The following LRMDA variants were observed in gnomAD, a reference collection of about 807,000 sequenced individuals.
LRMDA encodes the protein leucine rich melanocyte differentiation associated.
In LRMDA, 18 loss-of-function variants were observed where a neutral mutation model predicts 29.8. The ratio of observed to expected loss-of-function variants is 0.60; its 90% CI spans 0.42 to 0.90. The LOEUF is 0.90. Ranked by LOEUF, LRMDA falls within the 40% of genes least tolerant of loss-of-function variation. LRMDA has a pLI of 0.00. For synonymous variants in LRMDA, 125 were observed against 109.4 expected (o/e 1.14, Z -0.89); for missense variants, 273 against 273.9 (o/e 1.00, Z 0.02).
chr10:75,569,199 T>C (rs1453668234), intron 2 of LRMDA, among the ~76,000 whole-genome samples: 3 of 152,212 alleles, frequency 2.0e-5, no homozygotes, highest in African/African-American at 7.2e-5. Context: ...TGGGTAGACA[T>C]GTTTCTGAAG....
chr10:76,250,995 C>G (rs1852469101), intron 5 of LRMDA, among the ~76,000 whole-genome samples: 2 of 152,122 alleles, frequency 1.3e-5, no homozygotes, highest in South Asian at 4.1e-4. Flanking sequence ...GATTTCTTTT[C>G]CATCAGATGG....
chr10:75,446,141 A>G (rs907358679), intron 2 of LRMDA, among the ~76,000 whole-genome samples: 2 of 152,244 alleles, frequency 1.3e-5, no homozygotes, highest in Admixed American at 1.3e-4. Flanking sequence ...ACTGCTAGAC[A>G]GAGCTGGGCT....
intron 2 of LRMDA, among the ~76,000 whole-genome samples, chr10:75,724,447 T>TTGCATTTGAAAC (rs1288369804): frequency 6.6e-6 from 1 of 152,244 alleles, no homozygotes; most frequent in Non-Finnish European, 1.5e-5. Context: ...GCATTGCCAT[T>TTGCATTTGAAAC]TACTCTCTTA....
At chr10:75,582,902 C>T (rs935503460) in intron 2 of LRMDA, among the ~76,000 whole-genome samples, 1 of 152,074 alleles carries the variant, frequency 6.6e-6, no homozygotes, top group African/African-American at 2.4e-5. Flanking sequence ...TGTCAGATAC[C>T]CTAAATCATC....
chr10:75,604,382 C>T (rs573338161), intron 2 of LRMDA, among the ~76,000 whole-genome samples: 3 of 152,192 alleles, frequency 2.0e-5, no homozygotes, highest in Non-Finnish European at 4.4e-5. Context: ...GCTTTTCAGA[C>T]CCACTGGGAC....
At chr10:75,713,354 G>T (rs2132179780) in intron 2 of LRMDA, among the ~76,000 whole-genome samples, 1 of 152,274 alleles carries the variant, frequency 6.6e-6, no homozygotes, top group Non-Finnish European at 1.5e-5. Context: ...TGAGAGATTT[G>T]TTAAAATTAA....
At chr10:76,325,480 CCTG>C (rs1169854809) in intron 6 of LRMDA, among the ~76,000 whole-genome samples, 1 of 152,138 alleles carries the variant, frequency 6.6e-6, no homozygotes, top group African/African-American at 2.4e-5. Flanking sequence ...CAGCTGCCAA[CCTG>C]CTATGTTTTG....
chr10:75,792,714 A>T (rs995551522), intron 2 of LRMDA, among the ~76,000 whole-genome samples: 4 of 152,232 alleles, frequency 2.6e-5, no homozygotes, highest in African/African-American at 7.2e-5. Context: ...CTTATCACTT[A>T]TGGGAACTTG....
chr10:76,552,890 C>T (rs1468813425), intron 6 of LRMDA, among the ~76,000 whole-genome samples: 3 of 152,180 alleles, frequency 2.0e-5, no homozygotes, highest in Non-Finnish European at 4.4e-5. Context: ...ACTGACCCTG[C>T]AGTCCCAGCC....
intron 2 of LRMDA, among the ~76,000 whole-genome samples, chr10:75,979,664 T>G (rs1258966474): frequency 6.6e-6 from 1 of 152,054 alleles, no homozygotes; most frequent in African/African-American, 2.4e-5. Flanking sequence ...CTTTTCCCCT[T>G]CTCTGTTTGG....
intron 6 of LRMDA, among the ~76,000 whole-genome samples, chr10:76,427,715 A>C (rs1188131541): frequency 2.0e-5 from 3 of 152,180 alleles, no homozygotes; most frequent in Admixed American, 6.5e-5. Context: ...GTTTTTGCCC[A>C]TTCAGTATGA....
At chr10:76,175,164 A>G (rs1850910629) in intron 5 of LRMDA, among the ~76,000 whole-genome samples, 1 of 152,190 alleles carries the variant, frequency 6.6e-6, no homozygotes, top group Non-Finnish European at 1.5e-5. Context: ...GGTGAGACAC[A>G]TAAAGCCCTT....
intron 6 of LRMDA, among the ~76,000 whole-genome samples, chr10:76,469,290 C>A (rs1842594974): frequency 6.6e-6 from 1 of 152,110 alleles, no homozygotes; most frequent in South Asian, 2.1e-4. Context: ...ATTTCTTATT[C>A]CCTCCGACTC....
chr10:75,493,418 G>T (rs1368503356), intron 2 of LRMDA, among the ~76,000 whole-genome samples: 1 of 144,408 alleles, frequency 6.9e-6, no homozygotes, highest in Non-Finnish European at 1.5e-5. Flanking sequence ...TGGGAAAATG[G>T]CATATGGGAA....
chr10:76,553,764 G>A (rs74139688), intron 6 of LRMDA, among the ~76,000 whole-genome samples: 1 of 152,178 alleles, frequency 6.6e-6, no homozygotes, highest in African/African-American at 2.4e-5. Context: ...GGCAATTCTC[G>A]CTTAATTTCA....
intron 5 of LRMDA, among the ~76,000 whole-genome samples, chr10:76,166,430 T>C (rs1298567250): frequency 6.6e-6 from 1 of 152,210 alleles, no homozygotes; most frequent in Non-Finnish European, 1.5e-5. Context: ...CTGAGCCTAG[T>C]ATCCATTAGT....
intron 2 of LRMDA, among the ~76,000 whole-genome samples, chr10:76,021,561 A>G (rs11001587): frequency 0.13 from 20,047 of 152,190 alleles, 2,257 homozygotes; most frequent in African/African-American, 0.29. Context: ...GTCCTCTGCA[A>G]CATGAGGAAA....
chr10:76,519,192 AT>A (rs892885633), intron 6 of LRMDA, among the ~76,000 whole-genome samples: 34 of 151,762 alleles, frequency 2.2e-4, no homozygotes, highest in African/African-American at 6.0e-4. Context: ...CTCAAAAAAA[AT>A]TTTTTTTTGA....
chr10:75,887,689 C>T (rs1845413900), intron 2 of LRMDA, among the ~76,000 whole-genome samples: 1 of 152,156 alleles, frequency 6.6e-6, no homozygotes, highest in African/African-American at 2.4e-5. Flanking sequence ...TGTTTACTAT[C>T]TGGCCCTTTA....
Sources: gnomAD v4.1 joint callset for allele counts (sites outside exome capture counted in the v4.1 genomes callset) on GRCh38, gnomAD v4.1.1 for gene constraint, MANE v1.5 for transcripts, NCBI Gene and HGNC (gene_info 2026-07-23, HGNC 2026-07-21) for gene names.